Variants in HHIPL1 observed in about 807,000 individuals in gnomAD.
HHIPL1 encodes the protein HHIP like 1.
In HHIPL1, 43 loss-of-function variants were observed where a neutral mutation model predicts 61.8. The ratio of observed to expected loss-of-function variants is 0.70; its 90% confidence interval spans 0.55 to 0.90. HHIPL1 has a LOEUF of 0.90. Ranked by LOEUF, HHIPL1 falls within the 40% of genes least tolerant of loss-of-function variation. HHIPL1 has a pLI of 0.00. For synonymous variants in HHIPL1, 482 were observed against 515.8 expected (o/e 0.93, Z 0.89); for missense variants, 1,056 against 1,157.7 (o/e 0.91, Z 1.28).
At chr14:99,637,594 A>T in the HHIPL1 span, among the ~76,000 whole-genome samples, 1 of 152,066 alleles carries the variant, frequency 6.6e-6, no homozygotes, top group African/African-American at 2.4e-5. Context: ...AGAAAGAAAG[A>T]AAAGTGTCAC....
At chr14:99,604,611 T>C in the HHIPL1 span, 2 of 151,962 alleles carry the variant, frequency 1.3e-5, no homozygotes, top group Non-Finnish European at 2.9e-5. Flanking sequence ...GCTTTTAAAA[T>C]GCAGGTACGG....
the HHIPL1 span, among the ~76,000 whole-genome samples, chr14:99,627,311 CCCATCCATCTAT>C: frequency 6.6e-6 from 1 of 151,150 alleles, no homozygotes; most frequent in African/African-American, 2.4e-5. This position sits in a 1 kb window ranked among gnomAD's most constrained non-coding sequence, Gnocchi z 4.4. Flanking sequence ...CTTCCATCTT[CCCATCCATCTAT>C]CCATCCATCT....
the HHIPL1 span, among the ~76,000 whole-genome samples, chr14:99,636,381 A>G: frequency 6.6e-6 from 1 of 152,210 alleles, no homozygotes; most frequent in African/African-American, 2.4e-5. Flanking sequence ...TGAGGCCCGC[A>G]TGACGTGGCA....
the HHIPL1 span, among the ~76,000 whole-genome samples, chr14:99,605,499 A>T: frequency 2.8e-4 from 43 of 152,002 alleles, no homozygotes; most frequent in African/African-American, 9.9e-4. Flanking sequence ...CCCCATTTAC[A>T]GTTGCTAAGC....
chr14:99,629,556 G>T, the HHIPL1 span, among the ~76,000 whole-genome samples: 2 of 152,122 alleles, frequency 1.3e-5, no homozygotes, highest in East Asian at 3.9e-4. Context: ...GGAGTGCAGT[G>T]GCACAATCTT....
At chr14:99,635,573 A>G in the HHIPL1 span, among the ~76,000 whole-genome samples, 3 of 152,110 alleles carry the variant, frequency 2.0e-5, no homozygotes, top group Non-Finnish European at 2.9e-5. Flanking sequence ...CTCTGAAGGC[A>G]TCATTAGTTC....
chr14:99,674,038 G>C (rs2140096959), intron 8 of HHIPL1, among the ~76,000 whole-genome samples: 1 of 151,972 alleles, frequency 6.6e-6, no homozygotes, highest in East Asian at 1.9e-4. Flanking sequence ...GGGGCCAGGG[G>C]CCAGGGTGCA....
the HHIPL1 span, among the ~76,000 whole-genome samples, chr14:99,633,135 A>G: frequency 3.3e-5 from 5 of 152,156 alleles, no homozygotes; most frequent in Non-Finnish European, 5.9e-5. Context: ...GGCAGCTGCC[A>G]TTCAAACTAC....
At chr14:99,646,429 G>T (rs920147482) in intron 1 of HHIPL1, among the ~76,000 whole-genome samples, 3 of 152,258 alleles carry the variant, frequency 2.0e-5, no homozygotes, top group Non-Finnish European at 2.9e-5. Flanking sequence ...TCCTGGCTCT[G>T]TCACTTCCCC....
the HHIPL1 span, among the ~76,000 whole-genome samples, chr14:99,618,075 G>A: frequency 1.3e-5 from 2 of 152,200 alleles, no homozygotes; most frequent in Non-Finnish European, 2.9e-5. Context: ...TCCCAGCAGG[G>A]TGGCTACAAA....
In HHIPL1 at chr14:99,657,057, C is replaced by A; in HGVS notation, c.960C>A (p.Phe320Leu). 6.2e-7 allele frequency: 1 copy of A among 1,613,606 alleles called. No individual in the cohort carries two copies. Among genetic ancestry groups the A allele is most frequent in the Admixed American group, 1.7e-5 (1 of 59,956 alleles). The change falls in exon 3 of 9, where the codon TTC (phenylalanine) becomes TTA (leucine). Residue 320 changes from phenylalanine to leucine, a missense_variant. By Grantham distance (22) the Phe-to-Leu change is conservative (BLOSUM62 0). Transcript: ENST00000330710. ...ACCACAACGGGGGCCAGCTGCTTTT[C>A]GGGGATGACGGGTACCTCTACATCT... is the stretch of plus-strand genomic sequence containing the variant. ...ASNHNGGQLL[F>L]GDDGYLYIFT...
At chr14:99,617,697 G>A in the HHIPL1 span, among the ~76,000 whole-genome samples, 330 of 152,264 alleles carry the variant, frequency 2.2e-3, 1 homozygote, top group Non-Finnish European at 3.9e-3. Context: ...TAAGGAGGGC[G>A]AGAAATATTC....
At chr14:99,616,690 T>A in the HHIPL1 span, among the ~76,000 whole-genome samples, 1 of 152,200 alleles carries the variant, frequency 6.6e-6, no homozygotes, top group Non-Finnish European at 1.5e-5. Context: ...CTTATAGTTT[T>A]ATGTTTGAAA....
In HHIPL1 at chr14:99,660,645, A is replaced by C. The variant is rs2056137149; in HGVS notation, c.1502+239A>C. 2.0e-5 allele frequency among the ~76,000 whole-genome samples: 3 copies of C among 152,158 alleles called. No homozygotes were observed. Among genetic ancestry groups the C allele is most frequent in the Non-Finnish European group, 1.5e-5 (1 of 68,030 alleles). On this transcript the variant is annotated intron_variant, in intron 5 of 8. Coordinates refer to ENST00000330710, the MANE Select transcript of HHIPL1 (RefSeq NM_001127258.3). This position sits in a 1 kb window ranked among gnomAD's most constrained non-coding sequence, Gnocchi z 4.9. Reference sequence around the variant, plus strand: ...GATAGACACACAACTCATGGCATTAAAGACTGGAGGCTTGCTTAAGTGCGG... The same window carrying C: ...GATAGACACACAACTCATGGCATTACAGACTGGAGGCTTGCTTAAGTGCGG...
Position 99,652,409 on chromosome 14 carries a change from C to CT in HHIPL1, c.442dup (p.Tyr148LeufsTer6). 6.2e-7 allele frequency: 1 copy of CT among 1,614,232 alleles called. No homozygotes were observed. Among genetic ancestry groups the CT allele is most frequent in the Non-Finnish European group, 8.5e-7 (1 of 1,180,050 alleles). ...AGGGCAACCTTGCCAGGTTCTGCCGCTACCTGTCCCTGGATGACACGGACT... is the reference window on the plus strand; with the variant it reads ...AGGGCAACCTTGCCAGGTTCTGCCGCTTACCTGTCCCTGGATGACACGGACT... On this transcript the variant is annotated frameshift_variant, in exon 2 of 9. Transcript: ENST00000330710. LOFTEE classifies it high-confidence loss of function.
chr14:99,667,887 G>A (rs2056271494), intron 6 of HHIPL1, among the ~76,000 whole-genome samples: 1 of 152,222 alleles, frequency 6.6e-6, no homozygotes, highest in African/African-American at 2.4e-5. Context: ...AGAGGTGTGT[G>A]GGGCTGGGCA....
chr14:99,629,644 C>G, the HHIPL1 span, among the ~76,000 whole-genome samples: 1 of 151,732 alleles, frequency 6.6e-6, no homozygotes, highest in African/African-American at 2.4e-5. Context: ...ATTACAGGTG[C>G]GTGCCACCAC....
chr14:99,643,783 G>A (rs9788569), upstream of HHIPL1, among the ~76,000 whole-genome samples: 19,301 of 152,162 alleles, frequency 0.13, 1,558 homozygotes, highest in East Asian at 0.27. Flanking sequence ...GGGAGAAGCC[G>A]GGGTATTTCT....
rs61984438 is a variant in HHIPL1 at position 99,676,820 on chromosome 14, C to A, written c.*1194C>A. 1 of 151,846 alleles carries A rather than the reference C, an allele frequency of 6.6e-6. No homozygotes were observed. The highest frequency in any genetic ancestry group is 1.5e-5 in the Non-Finnish European group (1 of 68,034). The allele number at this position is 151,846 out of a possible 1,614,324, so 9.4% of individuals were successfully genotyped here. A position where few individuals can be genotyped will look rare whatever the true frequency, so the allele number is the denominator to read the frequency against. Reference sequence around the variant, plus strand: ...GCTCGGCCCTGGCTCTGTGCCAGGCCGCAGAGGGGCACTTAGTATGACTGC... The same window carrying A: ...GCTCGGCCCTGGCTCTGTGCCAGGCAGCAGAGGGGCACTTAGTATGACTGC... On this transcript the variant is annotated 3_prime_UTR_variant, in exon 9 of 9. Transcript: ENST00000330710.
Sources: gnomAD v4.1 joint callset for allele counts (sites outside exome capture counted in the v4.1 genomes callset) on GRCh38, gnomAD v4.1.1 for gene constraint, Gnocchi (gnomAD v3.1) non-coding constraint, MANE v1.5 for transcripts, NCBI Gene and HGNC (gene_info 2026-07-23, HGNC 2026-07-21) for gene names.